Variants in GPR89B observed in about 807,000 individuals in gnomAD.
The protein encoded by GPR89B is golgi pH regulator B.
In GPR89B, 25 loss-of-function variants were observed where a neutral mutation model predicts 52.4. The ratio of observed to expected loss-of-function variants is 0.48; its 90% CI spans 0.35 to 0.67. GPR89B has a LOEUF of 0.67. Among genes scored for constraint, GPR89B ranks in the 30% least tolerant of loss-of-function variants. GPR89B has a pLI of 0.01. For missense variants in GPR89B, 146 were observed against 450.2 expected, an observed-to-expected ratio of 0.32 and a Z score of 6.11; for synonymous variants, 52 against 151.2, an observed-to-expected ratio of 0.34 and a Z score of 4.81.
At position 147,987,195 on chromosome 1, in the gene GPR89B, CT is replaced by C. The variant is rs1253477420; in HGVS notation, c.1005+905del. ...CTTTGAGTGTGAAGGAACATGATAT[CT>C]TTTCTTCAAGTGGTATATAAATTAT... is the stretch of plus-strand genomic sequence containing the variant. On this transcript the variant is annotated intron_variant, in intron 11 of 13. Transcript: ENST00000314163. Among the ~76,000 whole-genome samples, 5 of 152,138 alleles carry C rather than the reference CT, an allele frequency of 3.3e-5. No individual in the cohort carries two copies. In the East Asian group the frequency reaches 7.7e-4, roughly 23 times the overall value.
intron 1 of GPR89B, among the ~76,000 whole-genome samples, chr1:147,930,481 T>G (rs2149030026): frequency 1.3e-5 from 2 of 152,252 alleles, no homozygotes; most frequent in South Asian, 4.1e-4. Context: ...GTCTGTCTTG[T>G]TCTCTCCTGT....
At chr1:147,975,692 C>T (rs1657783919) in intron 10 of GPR89B, among the ~76,000 whole-genome samples, 1 of 152,196 alleles carries the variant, frequency 6.6e-6, no homozygotes, top group African/African-American at 2.4e-5. Flanking sequence ...TTCTTATATT[C>T]TGCTAGCTTT....
downstream of GPR89B, among the ~76,000 whole-genome samples, chr1:147,995,082 A>C (rs878988014): frequency 6.6e-6 from 1 of 152,234 alleles, no homozygotes; most frequent in Non-Finnish European, 1.5e-5. Context: ...ATACCTGTCA[A>C]TTGTTTTAAA....
chr1:147,942,167 C>T (rs1654607766), intron 3 of GPR89B, among the ~76,000 whole-genome samples: 1 of 151,910 alleles, frequency 6.6e-6, no homozygotes, highest in Admixed American at 6.6e-5. Flanking sequence ...AGGCATTTCT[C>T]CAAAGATGAT....
chr1:148,021,127 A>G, the GPR89B span, among the ~76,000 whole-genome samples: 89 of 151,992 alleles, frequency 5.9e-4, 1 homozygote, highest in African/African-American at 2.0e-3. Flanking sequence ...CTGCAATACA[A>G]AGAGGTACCT....
intron 3 of GPR89B, among the ~76,000 whole-genome samples, chr1:147,940,841 T>C (rs1654500017): frequency 1.3e-5 from 2 of 150,676 alleles, no homozygotes; most frequent in Admixed American, 6.6e-5. Context: ...CCCCAACTTT[T>C]AACTTATAGT....
chr1:148,001,676 A>T, the GPR89B span, among the ~76,000 whole-genome samples: 2 of 150,582 alleles, frequency 1.3e-5, no homozygotes, highest in African/African-American at 4.9e-5. Flanking sequence ...GCTTATAAGC[A>T]CACTATCTAG....
the GPR89B span, among the ~76,000 whole-genome samples, chr1:148,019,432 G>T: frequency 6.6e-6 from 1 of 151,392 alleles, no homozygotes; most frequent in African/African-American, 2.4e-5. Context: ...GAGGGTGGGG[G>T]TTGGGAGGAG....
chr1:147,949,071 T>A (rs1655268261), intron 5 of GPR89B, among the ~76,000 whole-genome samples: 1 of 152,018 alleles, frequency 6.6e-6, no homozygotes, highest in South Asian at 2.1e-4. Context: ...GAGCACAGGG[T>A]TGGGGGTAGG....
chr1:148,025,523 C>CAAAAAAA, the GPR89B span, among the ~76,000 whole-genome samples: 4 of 29,686 alleles, frequency 1.3e-4, no homozygotes, highest in African/African-American at 3.1e-4. Flanking sequence ...AACTCTGTCT[C>CAAAAAAA]AAAAAAAAAA....
At chr1:148,013,587 T>C in the GPR89B span, among the ~76,000 whole-genome samples, 1 of 151,934 alleles carries the variant, frequency 6.6e-6, no homozygotes, top group Non-Finnish European at 1.5e-5. Context: ...ATGCCTCCCG[T>C]TCCCTGAGGA....
intron 10 of GPR89B, among the ~76,000 whole-genome samples, chr1:147,981,755 C>T (rs1291772063): frequency 2.0e-5 from 3 of 151,526 alleles, no homozygotes; most frequent in Non-Finnish European, 2.9e-5. Context: ...TGGGTTCAAG[C>T]GATTCTCCTG....
chr1:148,012,875 G>C, the GPR89B span, among the ~76,000 whole-genome samples: 15 of 152,088 alleles, frequency 9.9e-5, no homozygotes, highest in East Asian at 1.2e-3. Context: ...GCCTACATCT[G>C]CCAAGATATA....
At position 147,928,506 on chromosome 1, in the gene GPR89B, G is replaced by T; in HGVS notation, c.-31G>T. The stretch of plus-strand genomic sequence containing the variant: ...GTGCTGTGGCCTCCGGGAGTGGGAA[G>T]TGGAGGCAGGAGCCTTCCTTACACT... On this transcript the variant is annotated 5_prime_UTR_variant, in exon 1 of 14. Transcript: ENST00000314163. 7 of 1,613,690 alleles carry T rather than the reference G, an allele frequency of 4.3e-6. No homozygotes were observed. Among genetic ancestry groups the T allele is most frequent in the Non-Finnish European group, 5.9e-6 (7 of 1,179,618 alleles).
chr1:148,022,032 G>C, the GPR89B span: 1 of 149,442 alleles, frequency 6.7e-6, no homozygotes, highest in Non-Finnish European at 1.5e-5. Flanking sequence ...GCCATGGAGA[G>C]AGACGCAAGA....
At chr1:147,976,825 G>A (rs2149084077) in intron 10 of GPR89B, among the ~76,000 whole-genome samples, 1 of 151,774 alleles carries the variant, frequency 6.6e-6, no homozygotes, top group East Asian at 1.9e-4. Flanking sequence ...AGGAGTTCTT[G>A]CAAGGTGGTC....
intron 10 of GPR89B, among the ~76,000 whole-genome samples, chr1:147,973,052 G>A (rs1310082765): frequency 6.6e-5 from 10 of 151,322 alleles, no homozygotes; most frequent in African/African-American, 2.2e-4. Context: ...TCTTTATCCG[G>A]TCTATCATTG....
At chr1:147,949,918 C>G (rs1317068514) in intron 5 of GPR89B, among the ~76,000 whole-genome samples, 1 of 127,930 alleles carries the variant, frequency 7.8e-6, no homozygotes, top group Non-Finnish European at 1.6e-5. Flanking sequence ...GCTGGCCGGG[C>G]GGGGGGCTGA....
chr1:147,941,486 T>C (rs1654553449), intron 3 of GPR89B, among the ~76,000 whole-genome samples: 1 of 151,810 alleles, frequency 6.6e-6, no homozygotes, highest in Non-Finnish European at 1.5e-5. Flanking sequence ...GGGTAGCTTT[T>C]ACTGAATGGC....
Sources: gnomAD v4.1 joint callset for allele counts (sites outside exome capture counted in the v4.1 genomes callset) on GRCh38, gnomAD v4.1.1 for gene constraint, MANE v1.5 for transcripts, NCBI Gene and HGNC (gene_info 2026-07-23, HGNC 2026-07-21) for gene names.